Variants in RXRG observed in about 807,000 individuals in gnomAD.
RXRG encodes the protein retinoid X receptor gamma.
Under a neutral mutation model 49.2 loss-of-function variants are expected in RXRG, and 19 were observed. The observed-to-expected ratio is 0.39, with a 90% CI of 0.27 to 0.57. The LOEUF (loss-of-function observed/expected upper bound fraction) is 0.57, where lower values mean the gene tolerates loss of function less well. Among genes scored for constraint, RXRG ranks in the 20% least tolerant of loss-of-function variants. The pLI, the probability that RXRG is intolerant of heterozygous loss-of-function variation, is 0.64. For synonymous variants in RXRG, 224 were observed against 216.6 expected (o/e 1.03, Z -0.30); for missense variants, 452 against 592.5 (o/e 0.76, Z 2.46).
intron 9 of RXRG, among the ~76,000 whole-genome samples, chr1:165,405,226 T>C (rs1557908597): frequency 2.0e-5 from 3 of 152,168 alleles, no homozygotes; most frequent in Admixed American, 2.0e-4. Context: ...CTGCACATAA[T>C]ATGTGCTCAA....
intron 2 of RXRG, 86 bp downstream of exon 2, chr1:165,428,632 CT>C: frequency 1.4e-6 from 2 of 1,464,064 alleles, no homozygotes; most frequent in Non-Finnish European, 1.8e-6. Flanking sequence ...CATTATGGAC[CT>C]GCTGAGTGCT....
chr1:165,403,516 T>G (rs553992218), intron 9 of RXRG, among the ~76,000 whole-genome samples: 4 of 152,282 alleles, frequency 2.6e-5, no homozygotes, highest in South Asian at 2.1e-4. Flanking sequence ...TCTAAAAAAG[T>G]AGAAATTGCT....
intron 1 of RXRG, among the ~76,000 whole-genome samples, chr1:165,432,338 A>G (rs1014172884): frequency 3.3e-5 from 5 of 152,222 alleles, no homozygotes; most frequent in Non-Finnish European, 5.9e-5. Flanking sequence ...TTTTATAACT[A>G]CATTTTAAAA....
intron 1 of RXRG, among the ~76,000 whole-genome samples, chr1:165,438,412 T>A (rs769565221): frequency 6.6e-6 from 1 of 152,178 alleles, no homozygotes; most frequent in Non-Finnish European, 1.5e-5. Context: ...GGATAAGGGA[T>A]ACTTAACTTG....
At chr1:165,403,289 C>CA (rs1369540925) in intron 9 of RXRG, among the ~76,000 whole-genome samples, 1 of 152,078 alleles carries the variant, frequency 6.6e-6, no homozygotes, top group Non-Finnish European at 1.5e-5. Flanking sequence ...TCACAACTTC[C>CA]AAAAAAAGCT....
rs1657927158 is a variant in RXRG, at chr1:165,411,035, C to G, written c.697G>C (p.Asp233His). The G allele has an allele frequency of 1.2e-6, 2 of 1,614,032 alleles. No homozygotes were observed. Among genetic ancestry groups the G allele is most frequent in the Non-Finnish European group, 1.7e-6 (2 of 1,180,034 alleles). ...TCTAGAATCCTCTCCACAGGCATGT[C>G]TTCATGACCACTGGTAGCACATTCT... ...EAECATSGHE[D>H]MPVERILEAE... is the part of the protein sequence containing the mutation. The change falls in exon 5 of 10, where the codon GAC (aspartate) becomes CAC (histidine). Residue 233 changes from aspartate (D) to histidine (H), a missense_variant. Asp to His is a moderately conservative substitution (Grantham distance 81). Around this residue, in one of 2 missense-constraint regions of RXRG, gnomAD observed 286 missense variants for 440.9 expected, o/e 0.65. Coordinates refer to ENST00000359842, the MANE Select transcript of RXRG (RefSeq NM_006917.5).
chr1:165,416,541 A>C (rs1418739916), intron 4 of RXRG, among the ~76,000 whole-genome samples: 1 of 151,856 alleles, frequency 6.6e-6, no homozygotes, highest in Non-Finnish European at 1.5e-5. Flanking sequence ...AGACCCAGGT[A>C]AAAAAAACTC....
chr1:165,416,183 T>C (rs1242003730), intron 4 of RXRG, among the ~76,000 whole-genome samples: 1 of 152,140 alleles, frequency 6.6e-6, no homozygotes, highest in Non-Finnish European at 1.5e-5. Flanking sequence ...CTCCTTGTTC[T>C]TATTTCCTAA....
At chr1:165,410,397 C>A (rs146513578) in intron 6 of RXRG, among the ~76,000 whole-genome samples, 63 of 152,310 alleles carry the variant, frequency 4.1e-4, no homozygotes, top group Non-Finnish European at 7.6e-4. Context: ...AATGGGAATA[C>A]CTCTATTTGC....
chr1:165,406,913 G>T lies in RXRG; in HGVS notation c.1143C>A (p.Ala381=). Residue 381 remains alanine, a synonymous_variant, in exon 9 of 10, where the codon GCC becomes GCA. Transcript: ENST00000359842. ...CCTCAGAGGGGTTGGACAGGCCCTT[G>T]GCATCTAAAAGACATGACTGAGTTA... ...LRAIVLFNPD[A]KGLSNPSEVE... 1 of 1,612,154 alleles carries T rather than the reference G, an allele frequency of 6.2e-7. No homozygotes were observed. The highest frequency in any genetic ancestry group is 8.5e-7 in the Non-Finnish European group (1 of 1,178,610).
rs761624282 is a variant in RXRG at position 165,420,750 on chromosome 1, G to T, written c.298-736C>A. 1.3e-5 allele frequency among the ~76,000 whole-genome samples: 2 copies of T among 152,276 alleles called. 1 individual carries two copies. Among genetic ancestry groups the T allele is most frequent in the South Asian group, 4.1e-4 (2 of 4,820 alleles). On this transcript the variant is annotated intron_variant, in intron 2 of 9. Coordinates refer to ENST00000359842, the MANE Select transcript of RXRG (RefSeq NM_006917.5). Reference sequence around the variant, plus strand: ...GGCTAAGTATCTTGTGTTCACCAAAGAAAGCAAATTGAATACATTTGAGCC... The same window carrying T: ...GGCTAAGTATCTTGTGTTCACCAAATAAAGCAAATTGAATACATTTGAGCC...
chr1:165,426,054 T>C (rs919137861), intron 2 of RXRG, among the ~76,000 whole-genome samples: 1 of 152,236 alleles, frequency 6.6e-6, no homozygotes, highest in African/African-American at 2.4e-5. Context: ...CACAAGTCAC[T>C]TGGGCTCCCC....
intron 1 of RXRG, among the ~76,000 whole-genome samples, chr1:165,435,207 A>G (rs1571287527): frequency 1.3e-5 from 2 of 152,350 alleles, no homozygotes; most frequent in Middle Eastern, 3.4e-3. Context: ...AATCTGAAAT[A>G]TCTTGATTCA....
intron 1 of RXRG, among the ~76,000 whole-genome samples, chr1:165,430,549 G>A (rs973652574): frequency 6.6e-6 from 1 of 152,238 alleles, no homozygotes; most frequent in Non-Finnish European, 1.5e-5. Context: ...CTCCAAGGAA[G>A]CTGTGACCCT....
intron 2 of RXRG, chr1:165,424,969 A>T (rs1197810789): frequency 3.0e-6 from 3 of 985,382 alleles, no homozygotes; most frequent in Non-Finnish European, 3.6e-6. Context: ...AACACTGCTC[A>T]GGGTCTCAGG....
chr1:165,406,743 T>C (rs776778926), intron 9 of RXRG, 69 bp downstream of exon 9: 110 of 1,122,496 alleles, frequency 9.8e-5, no homozygotes, highest in Non-Finnish European at 1.3e-4. Flanking sequence ...TGCTGCACTT[T>C]AGGGGCTCAG....
At chr1:165,419,687 G>A (rs181566074) in intron 3 of RXRG, among the ~76,000 whole-genome samples, 183 bp downstream of exon 3, 109 of 152,328 alleles carry the variant, frequency 7.2e-4, no homozygotes, top group Non-Finnish European at 9.3e-4. Flanking sequence ...AAAAAATAAA[G>A]CCATCCTTTA....
rs762173130 is a variant in RXRG, at chr1:165,406,844, G to A, written c.1212C>T (p.Tyr404=). The A allele has an allele frequency of 6.2e-7, 1 of 1,613,812 alleles. No individual in the cohort carries two copies. Among genetic ancestry groups the A allele is most frequent in the Non-Finnish European group, 8.5e-7 (1 of 1,179,942 alleles). The part of the protein sequence containing the change: ...REKVYATLEA[Y]TKQKYPEQPG... Reference sequence around the variant, plus strand: ...GCTGTTCCGGATACTTCTGCTTGGTGTAGGCCTCAAGGGTGGCATAAACCT... The same window carrying A: ...GCTGTTCCGGATACTTCTGCTTGGTATAGGCCTCAAGGGTGGCATAAACCT... The change falls in exon 9 of 10, where the codon TAC becomes TAT. Residue 404 remains tyrosine (Y), a synonymous_variant. Transcript: ENST00000359842.
At chr1:165,416,962 C>G in intron 4 of RXRG, 79 bp downstream of exon 4, 1 of 1,371,240 alleles carries the variant, frequency 7.3e-7, no homozygotes, top group Non-Finnish European at 1.0e-6. Flanking sequence ...CATGACTTCT[C>G]GTGTATTGCA....
Sources: gnomAD v4.1 joint callset for allele counts (sites outside exome capture counted in the v4.1 genomes callset) on GRCh38, gnomAD v4.1.1 for gene constraint, gnomAD v4.1.1 regional missense constraint, MANE v1.5 for transcripts, NCBI Gene and HGNC (gene_info 2026-07-23, HGNC 2026-07-21) for gene names.